The following MBOAT2 variants were observed in gnomAD, a reference collection of about 807,000 sequenced individuals.
MBOAT2 encodes the protein membrane bound glycerophospholipid O-acyltransferase 2.
A neutral mutation model predicts 63.4 loss-of-function variants in MBOAT2; 28 were observed. The observed-to-expected ratio is 0.44, with a 90% CI of 0.33 to 0.61. The LOEUF is 0.61. Among genes scored for constraint, MBOAT2 ranks in the 20% least tolerant of loss-of-function variants. MBOAT2 has a pLI of 0.03. For synonymous variants in MBOAT2, 211 were observed against 215.6 expected (o/e 0.98, Z 0.19); for missense variants, 470 against 605.8 (o/e 0.78, Z 2.35).
intron 3 of MBOAT2, 28 bp downstream of exon 3, chr2:8,943,159 T>A: frequency 7.4e-7 from 1 of 1,343,776 alleles, no homozygotes; most frequent in South Asian, 1.5e-5. Flanking sequence ...GAAATATATA[T>A]TTTCATGTGA....
intron 1 of MBOAT2, among the ~76,000 whole-genome samples, chr2:8,998,472 C>A (rs1672461060): frequency 6.6e-6 from 1 of 152,172 alleles, no homozygotes; most frequent in East Asian, 1.9e-4. Flanking sequence ...GAGAACTTCA[C>A]CTGTTTCTTC....
chr2:8,939,160 C>A (rs748523926), intron 3 of MBOAT2, among the ~76,000 whole-genome samples: 2 of 152,198 alleles, frequency 1.3e-5, no homozygotes, highest in Non-Finnish European at 2.9e-5. Flanking sequence ...GTCTACCACA[C>A]AACAGTGAAT....
At chr2:8,962,376 C>G (rs889619317) in intron 1 of MBOAT2, among the ~76,000 whole-genome samples, 15 of 152,188 alleles carry the variant, frequency 9.9e-5, no homozygotes, top group Non-Finnish European at 1.8e-4. Context: ...TCACCTATAT[C>G]TGATTCTCTT....
At chr2:8,954,731 A>T (rs2103266480) in intron 2 of MBOAT2, among the ~76,000 whole-genome samples, 1 of 152,290 alleles carries the variant, frequency 6.6e-6, no homozygotes, top group East Asian at 1.9e-4. Flanking sequence ...AGATGCTCTG[A>T]ATGCCTGTAG....
intron 3 of MBOAT2, among the ~76,000 whole-genome samples, chr2:8,923,281 A>T (rs1666711082): frequency 6.6e-6 from 1 of 152,204 alleles, no homozygotes; most frequent in African/African-American, 2.4e-5. Flanking sequence ...TGCAAGATTT[A>T]TAACTTTCTC....
intron 4 of MBOAT2, among the ~76,000 whole-genome samples, chr2:8,901,535 G>T (rs965971408): frequency 1.3e-5 from 2 of 152,136 alleles, no homozygotes; most frequent in Admixed American, 6.6e-5. Context: ...AAAATGAAGT[G>T]GAGGGCCATA....
At chr2:8,882,248 G>A (rs1663189415) in intron 6 of MBOAT2, among the ~76,000 whole-genome samples, 1 of 152,214 alleles carries the variant, frequency 6.6e-6, no homozygotes, top group Admixed American at 6.5e-5. Context: ...GTCTCATAGG[G>A]ATGAAAACTT....
rs141643363 is a variant in MBOAT2, at chr2:8,980,869, T to C, written c.76-22227A>G. ...CTCCTAGGTATATACACAAGATAAC[T>C]GAAAACTTAAATCTACACAAAAACT... On this transcript the variant is annotated intron_variant, in intron 1 of 12. Transcript: ENST00000305997. 4.5e-3 allele frequency among the ~76,000 whole-genome samples: 677 copies of C among 152,096 alleles called. 5 individuals are homozygous for C. Among genetic ancestry groups the C allele is most frequent in the Middle Eastern group, 0.01 (3 of 294 alleles).
chr2:8,999,628 A>G lies in MBOAT2; in HGVS notation c.75+3912T>C, dbSNP rs185218185. Among the ~76,000 whole-genome samples the G allele has an allele frequency of 1.2e-3, 176 of 152,364 alleles. 1 individual carries two copies. The Middle Eastern group carries it at 0.031, about 27-fold the overall frequency. The stretch of plus-strand genomic sequence containing the variant: ...CCTTCAGTGATTCCTGATGTTGTCT[A>G]AACAGCACACTTGGGCCTTTTCTTG... On this transcript the variant is annotated intron_variant, in intron 1 of 12. Coordinates refer to ENST00000305997, the MANE Select transcript of MBOAT2 (RefSeq NM_138799.4).
At chr2:8,872,902 AT>A (rs1436441385) in intron 8 of MBOAT2, among the ~76,000 whole-genome samples, 1 of 152,188 alleles carries the variant, frequency 6.6e-6, no homozygotes, top group African/African-American at 2.4e-5. Flanking sequence ...TGATCCATGT[AT>A]TTTTATTTTG....
chr2:8,991,054 A>T (rs1286394896), intron 1 of MBOAT2, among the ~76,000 whole-genome samples: 2 of 152,172 alleles, frequency 1.3e-5, no homozygotes, highest in Non-Finnish European at 2.9e-5. Context: ...TATAGGTAAT[A>T]AGAACAGCTG....
At chr2:8,925,507 G>A (rs1666870853) in intron 3 of MBOAT2, among the ~76,000 whole-genome samples, 1 of 152,224 alleles carries the variant, frequency 6.6e-6, no homozygotes, top group South Asian at 2.1e-4. Context: ...AGCAAAAGAT[G>A]AGCTGTCATA....
intron 1 of MBOAT2, among the ~76,000 whole-genome samples, chr2:8,988,293 T>C (rs1266339353): frequency 1.3e-5 from 2 of 152,190 alleles, no homozygotes; most frequent in Non-Finnish European, 2.9e-5. Flanking sequence ...CCATTTCTGA[T>C]AAGCAAAGTA....
intron 1 of MBOAT2, among the ~76,000 whole-genome samples, chr2:8,967,290 G>C (rs902012305): frequency 1.3e-5 from 2 of 152,204 alleles, no homozygotes; most frequent in Non-Finnish European, 2.9e-5. Context: ...TGGTTACACA[G>C]ATACTGACTT....
intron 2 of MBOAT2, among the ~76,000 whole-genome samples, chr2:8,951,399 C>G (rs138896717): frequency 6.6e-6 from 1 of 151,950 alleles, no homozygotes; most frequent in Non-Finnish European, 1.5e-5. Context: ...GAGATGGGGT[C>G]TTGCCATGTT....
At chr2:8,888,471 C>A (rs1663729882) in intron 4 of MBOAT2, among the ~76,000 whole-genome samples, 1 of 152,160 alleles carries the variant, frequency 6.6e-6, no homozygotes, top group Non-Finnish European at 1.5e-5. Context: ...ATATCATGGA[C>A]AGACTCTCAA....
chr2:8,891,397 G>A (rs1360922273), intron 4 of MBOAT2, among the ~76,000 whole-genome samples: 1 of 152,200 alleles, frequency 6.6e-6, no homozygotes, highest in Admixed American at 6.5e-5. Flanking sequence ...ATATGGCTGG[G>A]AGACAAGAAA....
Position 9,003,494 on chromosome 2 carries a change from G to A in MBOAT2, c.75+46C>T, listed in dbSNP as rs1021334710. The A allele has an allele frequency of 2.3e-5, 26 of 1,150,066 alleles. No individual in the cohort carries two copies. The East Asian group carries it at 3.2e-4, about 14-fold the overall frequency. 71.2% of individuals were successfully genotyped at this position (1,150,066 alleles called of 1,614,324 possible). ...CGGTCGGGTGGCACCGCGGCGGGGA[G>A]GGGCGGCGAGGGCGCGACGCCCGGC... is the stretch of plus-strand genomic sequence containing the variant. On this transcript the variant is annotated intron_variant, in intron 1 of 12. Transcript: ENST00000305997. This position sits in a 1 kb window ranked among gnomAD's most constrained non-coding sequence, Gnocchi z 5.4.
intron 2 of MBOAT2, among the ~76,000 whole-genome samples, chr2:8,956,964 T>C (rs147146383): frequency 4.3e-4 from 65 of 152,334 alleles, no homozygotes; most frequent in African/African-American, 1.5e-3. Context: ...ACAGAGTGAA[T>C]GGTGTCCCCT....
Sources: gnomAD v4.1 joint callset for allele counts (sites outside exome capture counted in the v4.1 genomes callset) on GRCh38, gnomAD v4.1.1 for gene constraint, Gnocchi (gnomAD v3.1) non-coding constraint, MANE v1.5 for transcripts, NCBI Gene and HGNC (gene_info 2026-07-23, HGNC 2026-07-21) for gene names.